Variants in PIR observed in about 807,000 individuals in gnomAD.
PIR encodes the protein pirin (iron-binding nuclear protein).
PIR carries 22 observed loss-of-function variants against 24.2 expected under a neutral mutation model. That is an observed-to-expected ratio of 0.91 (90% CI 0.65 to 1.30). PIR has a LOEUF of 1.30. Ranked by LOEUF, PIR falls within the 50% of genes most tolerant of loss-of-function variation. The pLI is 0.00. For synonymous variants in PIR, 80 were observed against 79.6 expected (o/e 1.00, Z -0.03); for missense variants, 220 against 220.3 (o/e 1.00, Z 0.01).
At chrX:15,446,004 C>T (rs965854715) in intron 5 of PIR, among the ~76,000 whole-genome samples, 1 of 107,883 alleles carries the variant, frequency 9.3e-6, no homozygotes, top group African/African-American at 3.4e-5. Flanking sequence ...TAATTTTTTG[C>T]ATTTTTAGTA....
At chrX:15,465,079 T>C (rs901627710) in intron 3 of PIR, among the ~76,000 whole-genome samples, 9 of 111,890 alleles carry the variant, frequency 8.0e-5, no homozygotes, top group African/African-American at 2.6e-4. Context: ...TTTAAAAAGA[T>C]TCAGGAAACA....
chrX:15,462,284 A>G (rs1050777239), intron 3 of PIR, among the ~76,000 whole-genome samples: 7 of 112,465 alleles, frequency 6.2e-5, no homozygotes, highest in East Asian at 2.8e-4. Flanking sequence ...TTTGAAATAT[A>G]TAATTTAGCA....
At position 15,486,298 on chromosome X, in the gene PIR, C is replaced by CAAAAAA. The variant is rs59774013; in HGVS notation, c.96+4858_96+4863dup. 2.4e-3 allele frequency among the ~76,000 whole-genome samples: 96 copies of CAAAAAA among 39,678 alleles called. 4 individuals carry two copies. Among genetic ancestry groups the CAAAAAA allele is most frequent in the South Asian group, 2.4e-3 (2 of 823 alleles). The allele number at this position is 39,678 out of a possible 115,157, so 34.5% of individuals were successfully genotyped here. On this transcript the variant is annotated intron_variant, in intron 2 of 9. Transcript: ENST00000380420. ...AGGGAGACAGAGTGAGACTCTGTCT[C>CAAAAAA]AAAAAAAAAAAAAGAAGGTCAATCA...
chrX:15,446,080 C>T (rs1455117373), intron 5 of PIR, among the ~76,000 whole-genome samples: 26 of 110,418 alleles, frequency 2.4e-4, no homozygotes, highest in Admixed American at 2.2e-3. Context: ...CCACCCGCCT[C>T]GGCCTCCCAA....
At chrX:15,479,619 A>T (rs1420484982) in intron 3 of PIR, 110 bp downstream of exon 3, 6 of 358,263 alleles carry the variant, frequency 1.7e-5, no homozygotes, top group Non-Finnish European at 2.0e-5. Context: ...CCTGCAACTT[A>T]TAAATGAATT....
chrX:15,419,877 C>T (rs1314678184), intron 6 of PIR, among the ~76,000 whole-genome samples: 1 of 104,493 alleles, frequency 9.6e-6, no homozygotes, highest in African/African-American at 3.6e-5. Flanking sequence ...GCCTGGGCGA[C>T]AAGAGCTAAA....
chrX:15,397,545 G>A lies in PIR; in HGVS notation c.611-14C>T, dbSNP rs1473055436. On this transcript the variant is annotated splice_polypyrimidine_tract_variant and intron_variant, in intron 7 of 9. Transcript: ENST00000380420. ...CATCATCGGGCCCTACAAAACCAATGACACACTAATTTAATACCCATTATA... is the reference window on the plus strand; with the variant it reads ...CATCATCGGGCCCTACAAAACCAATAACACACTAATTTAATACCCATTATA... The A allele has an allele frequency of 1.7e-5, 19 of 1,135,319 alleles. No homozygotes were observed. Among genetic ancestry groups the A allele is most frequent in the African/African-American group, 3.6e-5 (2 of 55,904 alleles). The allele number at this position is 1,135,319 out of a possible 1,213,427, so 93.6% of individuals were successfully genotyped here.
At chrX:15,398,099 G>A (rs1487201502) in intron 7 of PIR, among the ~76,000 whole-genome samples, 1 of 77,401 alleles carries the variant, frequency 1.3e-5, no homozygotes, top group Non-Finnish European at 3.0e-5. Flanking sequence ...TAAGACCCTT[G>A]GGTGGGGGTA....
intron 5 of PIR, among the ~76,000 whole-genome samples, chrX:15,428,317 C>G (rs1178275507): frequency 8.9e-6 from 1 of 111,760 alleles, no homozygotes; most frequent in African/African-American, 3.3e-5. Flanking sequence ...TGGAAAGGGG[C>G]TGGTTTTGTC....
chrX:15,412,120 A>G (rs1039188606), intron 6 of PIR, among the ~76,000 whole-genome samples: 10 of 112,411 alleles, frequency 8.9e-5, no homozygotes, highest in African/African-American at 3.2e-4. Context: ...CAATGCTACT[A>G]TCTATGTACG....
chrX:15,386,335 C>A (rs1923748511), intron 9 of PIR, among the ~76,000 whole-genome samples: 2 of 112,075 alleles, frequency 1.8e-5, no homozygotes, highest in African/African-American at 6.5e-5. Context: ...ATGCTGAAAT[C>A]TTTGGAGAGG....
chrX:15,390,974 T>C (rs1466747932), intron 8 of PIR, among the ~76,000 whole-genome samples: 2 of 111,644 alleles, frequency 1.8e-5, no homozygotes, highest in African/African-American at 6.5e-5. Context: ...ACCCCCAATA[T>C]TGCTAATGTC....
chrX:15,434,885 A>G (rs188027121), intron 5 of PIR, among the ~76,000 whole-genome samples: 2 of 111,405 alleles, frequency 1.8e-5, no homozygotes, highest in East Asian at 2.8e-4. Flanking sequence ...GTTTGTGTAT[A>G]TTTTTCTAGT....
intron 6 of PIR, among the ~76,000 whole-genome samples, chrX:15,420,313 T>C (rs1309838463): frequency 2.1e-5 from 1 of 47,702 alleles, no homozygotes; most frequent in East Asian, 4.2e-4. Context: ...CTGACAGATA[T>C]ACGTTCTCTC....
intron 6 of PIR, 78 bp downstream of exon 6, chrX:15,425,828 G>T (rs776233942): frequency 7.2e-5 from 41 of 572,695 alleles, no homozygotes; most frequent in African/African-American, 5.6e-4. Flanking sequence ...CACATTCCAG[G>T]CAAAACAGCC....
At chrX:15,450,494 T>C (rs1301787732) in intron 5 of PIR, among the ~76,000 whole-genome samples, 1 of 111,588 alleles carries the variant, frequency 9.0e-6, no homozygotes, top group African/African-American at 3.3e-5. Flanking sequence ...TTAATGCTAC[T>C]TCAAAATATT....
chrX:15,418,851 C>G (rs1313744173), intron 6 of PIR, among the ~76,000 whole-genome samples: 2 of 111,977 alleles, frequency 1.8e-5, no homozygotes, highest in African/African-American at 6.5e-5. Context: ...GCTTCTATTG[C>G]TATCCAATTA....
chrX:15,402,313 C>T (rs1924415181), intron 7 of PIR, among the ~76,000 whole-genome samples: 1 of 111,933 alleles, frequency 8.9e-6, no homozygotes, highest in Non-Finnish European at 1.9e-5. Context: ...CATAATGCAC[C>T]ACCCATTAGA....
intron 2 of PIR, among the ~76,000 whole-genome samples, chrX:15,481,937 C>A: frequency 9.0e-6 from 1 of 111,489 alleles, no homozygotes; most frequent in Non-Finnish European, 1.9e-5. Context: ...GCTGAAACAG[C>A]GGCCACTATG....
Sources: allele counts gnomAD v4.1 joint callset (sites outside exome capture counted in the v4.1 genomes callset), GRCh38; gene constraint gnomAD v4.1.1; transcripts MANE v1.5; gene names NCBI Gene and HGNC (gene_info 2026-07-23, HGNC 2026-07-21).